KCNQ5: variants seen among roughly 807,000 people sequenced by gnomAD.
The protein encoded by KCNQ5 is potassium voltage-gated channel subfamily KQT member 5.
Under a neutral mutation model 98.2 loss-of-function variants are expected in KCNQ5, and 30 were observed. The ratio of observed to expected loss-of-function variants is 0.31; its 90% CI spans 0.23 to 0.41. KCNQ5 has a LOEUF of 0.41. Among genes scored for constraint, KCNQ5 ranks in the 10% least tolerant of loss-of-function variants. KCNQ5 has a pLI of 1.00. For missense variants in KCNQ5, 835 were observed against 1,182.5 expected, an observed-to-expected ratio of 0.71 and a Z score of 4.31; for synonymous variants, 458 against 449.4, an observed-to-expected ratio of 1.02 and a Z score of -0.24.
intron 1 of KCNQ5, chr6:72,630,610 A>G (rs2098920295): frequency 6.6e-6 from 1 of 151,800 alleles, no homozygotes; most frequent in Non-Finnish European, 1.5e-5. Flanking sequence ...TTCTTAATCT[A>G]TAAAATATCA....
At chr6:73,106,968 A>T (rs1468201209) in intron 6 of KCNQ5, among the ~76,000 whole-genome samples, 1 of 18,584 alleles carries the variant, frequency 5.4e-5, no homozygotes, top group Admixed American at 8.4e-4. Context: ...ATCCAGGAGA[A>T]TTAAAAAAAA....
At chr6:72,780,310 A>T (rs1295427430) in intron 1 of KCNQ5, among the ~76,000 whole-genome samples, 3 of 152,190 alleles carry the variant, frequency 2.0e-5, no homozygotes, top group Non-Finnish European at 4.4e-5. Context: ...GAGCTTTAAG[A>T]ATTGATAAGA....
chr6:73,100,636 T>A (rs1774733213), intron 5 of KCNQ5, among the ~76,000 whole-genome samples: 1 of 149,700 alleles, frequency 6.7e-6, no homozygotes, highest in Admixed American at 6.6e-5. Flanking sequence ...ACCACTGCAC[T>A]CCAGCCTGGG....
chr6:72,810,544 C>T (rs1331489915), intron 1 of KCNQ5, among the ~76,000 whole-genome samples: 4 of 152,136 alleles, frequency 2.6e-5, no homozygotes, highest in African/African-American at 7.2e-5. Flanking sequence ...TCTCACCCTC[C>T]AGCATTAGCA....
intron 1 of KCNQ5, among the ~76,000 whole-genome samples, chr6:72,641,238 C>A (rs189493476): frequency 3.9e-5 from 6 of 152,192 alleles, no homozygotes; most frequent in Admixed American, 3.9e-4. Flanking sequence ...TTCCTGAAAT[C>A]AAGCAAGTGG....
chr6:72,849,420 T>C (rs1462478449), intron 1 of KCNQ5, among the ~76,000 whole-genome samples: 1 of 152,190 alleles, frequency 6.6e-6, no homozygotes, highest in Admixed American at 6.6e-5. Context: ...TATGTAAGCA[T>C]TCCCTTTTCT....
chr6:72,927,363 C>T (rs1214836979), intron 1 of KCNQ5, among the ~76,000 whole-genome samples: 6 of 152,008 alleles, frequency 3.9e-5, no homozygotes, highest in South Asian at 4.1e-4. Context: ...CTTTGGAAAA[C>T]TGTTTGATTT....
intron 1 of KCNQ5, chr6:72,986,980 A>T: frequency 1.2e-6 from 1 of 805,536 alleles, no homozygotes; most frequent in East Asian, 2.4e-5. Flanking sequence ...CACAGTGGGA[A>T]GGTGAAGAAG....
At chr6:73,057,883 G>A (rs1482865945) in intron 3 of KCNQ5, among the ~76,000 whole-genome samples, 2 of 152,188 alleles carry the variant, frequency 1.3e-5, no homozygotes, top group East Asian at 1.9e-4. Context: ...CAACAGCATG[G>A]TACTGGTACA....
intron 1 of KCNQ5, among the ~76,000 whole-genome samples, chr6:72,861,665 T>G (rs1777767521): frequency 6.6e-6 from 1 of 152,134 alleles, no homozygotes; most frequent in African/African-American, 2.4e-5. Flanking sequence ...GGCCTCTCAC[T>G]TGAGCTTCAT....
intron 1 of KCNQ5, among the ~76,000 whole-genome samples, chr6:72,838,087 A>C (rs1390303000): frequency 2.1e-5 from 3 of 144,706 alleles, no homozygotes; most frequent in African/African-American, 5.1e-5. Flanking sequence ...ATAGCTCCTA[A>C]TGCTATCCCT....
intron 1 of KCNQ5, among the ~76,000 whole-genome samples, chr6:72,725,892 A>C (rs1415772782): frequency 6.6e-6 from 1 of 152,202 alleles, no homozygotes; most frequent in East Asian, 1.9e-4. Flanking sequence ...TTTGGATTAG[A>C]ATATTTGAAT....
intron 1 of KCNQ5, among the ~76,000 whole-genome samples, chr6:72,698,370 ATT>A (rs1768611998): frequency 6.6e-6 from 1 of 151,852 alleles, no homozygotes; most frequent in African/African-American, 2.4e-5. Flanking sequence ...CGCCTGGCTA[ATT>A]TTGTGTTTTG....
intron 3 of KCNQ5, among the ~76,000 whole-genome samples, chr6:73,061,158 G>A (rs1255788066): frequency 6.6e-6 from 1 of 152,156 alleles, no homozygotes; most frequent in African/African-American, 2.4e-5. Context: ...TGCATATATA[G>A]TGTGCTACTT....
chr6:72,681,288 C>T (rs570097120), intron 1 of KCNQ5, among the ~76,000 whole-genome samples: 1 of 152,298 alleles, frequency 6.6e-6, no homozygotes, highest in South Asian at 2.1e-4. Context: ...ATAACAATAA[C>T]AATGATGATA....
At chr6:72,850,336 T>C (rs1457013737) in intron 1 of KCNQ5, among the ~76,000 whole-genome samples, 1 of 152,210 alleles carries the variant, frequency 6.6e-6, no homozygotes, top group African/African-American at 2.4e-5. Context: ...CGATCTATAA[T>C]GGCATTCATT....
At chr6:72,898,282 C>T (rs777266251) in intron 1 of KCNQ5, among the ~76,000 whole-genome samples, 17 of 152,072 alleles carry the variant, frequency 1.1e-4, no homozygotes, top group Non-Finnish European at 2.1e-4. Context: ...TTAAGCCCTG[C>T]ATGCATTAGC....
At chr6:72,851,522 T>C (rs1777257522) in intron 1 of KCNQ5, among the ~76,000 whole-genome samples, 1 of 152,162 alleles carries the variant, frequency 6.6e-6, no homozygotes, top group Non-Finnish European at 1.5e-5. Context: ...TTTTAATACC[T>C]AAACTATTAT....
intron 1 of KCNQ5, among the ~76,000 whole-genome samples, chr6:72,623,487 T>G (rs1323758808): frequency 6.6e-6 from 1 of 151,636 alleles, no homozygotes; most frequent in Non-Finnish European, 1.5e-5. Flanking sequence ...AAGCAAATGT[T>G]TATTTTTCCC....
Sources: gnomAD v4.1 joint callset for allele counts (sites outside exome capture counted in the v4.1 genomes callset) on GRCh38, gnomAD v4.1.1 for gene constraint, MANE v1.5 for transcripts, NCBI Gene and HGNC (gene_info 2026-07-23, HGNC 2026-07-21) for gene names.